ARID1B: variants seen among roughly 807,000 people sequenced by gnomAD.
ARID1B encodes AT-rich interaction domain 1B.
In ARID1B, 30 loss-of-function variants were observed where a neutral mutation model predicts 212.3. That is an observed-to-expected ratio of 0.14 (90% CI 0.11 to 0.19). The LOEUF (loss-of-function observed/expected upper bound fraction) is 0.19, where lower values mean the gene tolerates loss of function less well. Among genes scored for constraint, ARID1B ranks in the 10% least tolerant of loss-of-function variants. ARID1B has a pLI of 1.00. For synonymous variants in ARID1B, 1,402 were observed against 1,301.7 expected (o/e 1.08, Z -1.66); for missense variants, 2,891 against 3,204.0 (o/e 0.90, Z 2.36).
At chr6:157,067,600 A>G (rs981062920) in intron 4 of ARID1B, among the ~76,000 whole-genome samples, 1 of 152,094 alleles carries the variant, frequency 6.6e-6, no homozygotes, top group Admixed American at 6.5e-5. Flanking sequence ...CTTAGCAGTG[A>G]TAGGTTAAGA....
intron 6 of ARID1B, among the ~76,000 whole-genome samples, chr6:157,115,928 C>CA (rs1411667042): frequency 1.1e-4 from 16 of 152,176 alleles, no homozygotes; most frequent in African/African-American, 3.6e-4. Context: ...ATCACCTTGC[C>CA]AAAAAATCAA....
intron 4 of ARID1B, among the ~76,000 whole-genome samples, chr6:156,988,728 A>C (rs528562600): frequency 6.6e-6 from 1 of 152,264 alleles, no homozygotes; most frequent in African/African-American, 2.4e-5. Context: ...AGTGCGCTTC[A>C]ATCACTTCCG....
At chr6:156,872,400 C>T (rs754074225) in intron 2 of ARID1B, among the ~76,000 whole-genome samples, 11 of 152,154 alleles carry the variant, frequency 7.2e-5, no homozygotes, top group African/African-American at 2.4e-4. Context: ...TGGCTCACTG[C>T]GAGCTCCGTC....
chr6:156,829,409 C>T lies in ARID1B; in HGVS notation c.1974C>T (p.Tyr658=). 2 of 1,614,056 alleles carry T rather than the reference C, an allele frequency of 1.2e-6. No homozygotes were observed. The highest frequency in any genetic ancestry group is 1.7e-6 in the Non-Finnish European group (2 of 1,179,960). The part of the protein sequence containing the change: ...RTPGAMAGMQ[Y]PQQQMPPQYG... Reference sequence around the variant, plus strand: ...CCGGGGCCATGGCCGGAATGCAGTACCCTCAGCAGCAGGTTTGTGCTGGTC... The same window carrying T: ...CCGGGGCCATGGCCGGAATGCAGTATCCTCAGCAGCAGGTTTGTGCTGGTC... The change falls in exon 2 of 20, where the codon TAC becomes TAT. Residue 658 remains tyrosine, a synonymous_variant. Coordinates refer to ENST00000636930, the MANE Select transcript of ARID1B (RefSeq NM_001374828.1).
chr6:157,205,930 A>AG, intron 19 of ARID1B: 1 of 534,874 alleles, frequency 1.9e-6, no homozygotes, highest in Non-Finnish European at 3.4e-6. Flanking sequence ...AGTCTAAGCA[A>AG]GGAAGCAGCA....
chr6:156,873,540 A>G (rs977687513), intron 2 of ARID1B, among the ~76,000 whole-genome samples: 1 of 152,242 alleles, frequency 6.6e-6, no homozygotes, highest in Non-Finnish European at 1.5e-5. Flanking sequence ...ATCTGAATAA[A>G]TATTACTGAA....
chr6:157,189,173 A>G (rs1273154720), intron 13 of ARID1B, among the ~76,000 whole-genome samples: 2 of 152,204 alleles, frequency 1.3e-5, no homozygotes, highest in South Asian at 4.1e-4. Flanking sequence ...TAAGACCCAG[A>G]ACTAAGTTTT....
chr6:156,809,792 G>C (rs911037715), intron 1 of ARID1B, among the ~76,000 whole-genome samples: 1 of 151,694 alleles, frequency 6.6e-6, no homozygotes, highest in South Asian at 2.1e-4. Context: ...TCTCAAGTCT[G>C]GTGGCTGAGG....
In ARID1B at chr6:157,180,962, G is replaced by A. The variant is rs2128316518; in HGVS notation, c.3505-7G>A. 6.2e-7 allele frequency: 1 copy of A among 1,611,364 alleles called. No homozygotes were observed. The highest frequency in any genetic ancestry group is 8.5e-7 in the Non-Finnish European group (1 of 1,178,542). On this transcript the variant is annotated splice_polypyrimidine_tract_variant and splice_region_variant and intron_variant, in intron 11 of 19. Transcript: ENST00000636930. ...CCCCACCTCCACATGCTGCTTCTGG[G>A]TACTAGAAGTCCAGCTCCTCCACCA...
At chr6:157,074,082 T>C (rs192213894) in intron 4 of ARID1B, among the ~76,000 whole-genome samples, 1 of 152,336 alleles carries the variant, frequency 6.6e-6, no homozygotes, top group East Asian at 1.9e-4. Flanking sequence ...AAGACTGTTA[T>C]GATACCATAC....
At chr6:157,110,853 T>A in intron 6 of ARID1B, 1 of 442,606 alleles carries the variant, frequency 2.3e-6, no homozygotes, top group Non-Finnish European at 4.1e-6. Context: ...GTATTTGGTC[T>A]AGCTGTGTAA....
At chr6:157,038,515 A>C (rs1009968929) in intron 4 of ARID1B, among the ~76,000 whole-genome samples, 81 of 152,326 alleles carry the variant, frequency 5.3e-4, no homozygotes, top group African/African-American at 1.9e-3. Flanking sequence ...TATATGAAGA[A>C]AATTAAATTA....
intron 1 of ARID1B, among the ~76,000 whole-genome samples, chr6:156,780,103 A>G (rs1219555575): frequency 1.3e-5 from 2 of 152,122 alleles, no homozygotes; most frequent in Non-Finnish European, 2.9e-5. Context: ...ATAATAACAA[A>G]ATTTACAACG....
At chr6:156,898,345 C>T (rs1035711814) in intron 2 of ARID1B, among the ~76,000 whole-genome samples, 3 of 152,132 alleles carry the variant, frequency 2.0e-5, no homozygotes, top group African/African-American at 7.2e-5. Flanking sequence ...TTGGGCCCTC[C>T]TTGTGTGGGC....
chr6:157,052,433 CT>C (rs1782672384), intron 4 of ARID1B, among the ~76,000 whole-genome samples: 2 of 152,198 alleles, frequency 1.3e-5, no homozygotes. Context: ...GGGCTGATTA[CT>C]TTCCCCCAAT....
At chr6:156,910,012 T>A (rs1370151524) in intron 3 of ARID1B, among the ~76,000 whole-genome samples, 6 of 152,198 alleles carry the variant, frequency 3.9e-5, no homozygotes, top group Admixed American at 3.9e-4. Context: ...GCACAACACA[T>A]GCTGGTGACC....
intron 1 of ARID1B, among the ~76,000 whole-genome samples, chr6:156,821,571 C>T (rs560784737): frequency 4.6e-5 from 7 of 152,196 alleles, no homozygotes; most frequent in South Asian, 2.1e-4. Flanking sequence ...CTTACGGACC[C>T]GTCAGGCTCT....
intron 2 of ARID1B, among the ~76,000 whole-genome samples, chr6:156,894,635 A>G (rs1459436845): frequency 1.3e-5 from 2 of 152,184 alleles, no homozygotes; most frequent in African/African-American, 4.8e-5. Flanking sequence ...GACAATGCCA[A>G]GTATTTCTTT....
intron 4 of ARID1B, chr6:156,941,496 T>G (rs1049917504): frequency 6.6e-6 from 1 of 152,220 alleles, no homozygotes; most frequent in African/African-American, 2.4e-5. Context: ...GGATTAAGAT[T>G]AAGAGCATTT....
Sources: gnomAD v4.1 joint callset for allele counts (sites outside exome capture counted in the v4.1 genomes callset) on GRCh38, gnomAD v4.1.1 for gene constraint, MANE v1.5 for transcripts, NCBI Gene and HGNC (gene_info 2026-07-23, HGNC 2026-07-21) for gene names.